Variants in SNX14 observed in about 807,000 individuals in gnomAD.
SNX14 encodes sorting nexin 14.
In SNX14, 93 loss-of-function variants were observed where a neutral mutation model predicts 133.8. That is an observed-to-expected ratio of 0.70 (90% confidence interval 0.59 to 0.83). The LOEUF is 0.83. Among genes scored for constraint, SNX14 ranks in the 40% least tolerant of loss-of-function variants. The pLI is 0.00. For missense variants in SNX14, 945 were observed against 1,094.9 expected (o/e 0.86, Z 1.93); for synonymous variants, 368 against 365.6 (o/e 1.01, Z -0.07).
rs909898311 is a variant in SNX14, at chr6:85,506,081, A to G, written c.2803-76T>C. ...GTAAATTGCCTAACAGCTCTAGTGT[A>G]TTAAAATTCTAACCTAAGACATATA... On this transcript the variant is annotated intron_variant, in intron 28 of 28. Coordinates refer to ENST00000314673, the MANE Select transcript of SNX14 (RefSeq NM_153816.6). 11 of 934,898 alleles carry G rather than the reference A, an allele frequency of 1.2e-5. No individual in the cohort carries two copies. The East Asian group carries it at 2.4e-4, about 21-fold the overall frequency. 57.9% of individuals were successfully genotyped at this position (934,898 alleles called of 1,614,324 possible). A position where few individuals can be genotyped will look rare whatever the true frequency, so the allele number is the denominator to read the frequency against.
At chr6:85,512,033 GC>G (rs956017026) in intron 26 of SNX14, among the ~76,000 whole-genome samples, 1 of 152,030 alleles carries the variant, frequency 6.6e-6, no homozygotes, top group African/African-American at 2.4e-5. Flanking sequence ...TGCTTCTCAG[GC>G]CCCCCTGACC....
At chr6:85,510,983 G>C (rs1244880762) in intron 26 of SNX14, among the ~76,000 whole-genome samples, 1 of 152,054 alleles carries the variant, frequency 6.6e-6, no homozygotes, top group Non-Finnish European at 1.5e-5. Flanking sequence ...ATTTGGATTG[G>C]GACTGCATTG....
intron 1 of SNX14, among the ~76,000 whole-genome samples, chr6:85,591,239 C>A (rs548657062): frequency 6.7e-6 from 1 of 148,324 alleles, no homozygotes; most frequent in East Asian, 2.0e-4. Flanking sequence ...TGTGTGTGTA[C>A]GTGAATACAC....
intron 26 of SNX14, 64 bp downstream of exon 26, chr6:85,513,736 A>T: frequency 8.2e-7 from 1 of 1,217,098 alleles, no homozygotes; most frequent in Non-Finnish European, 1.2e-6. Flanking sequence ...AATAATTACT[A>T]TACATTGTGA....
At chr6:85,565,242 T>C in intron 6 of SNX14, 90 bp downstream of exon 6, 3 of 710,986 alleles carry the variant, frequency 4.2e-6, no homozygotes, top group East Asian at 2.8e-5. Flanking sequence ...AATATGTACA[T>C]TTGCCATGTA....
At chr6:85,526,284 G>T (rs369491134) in intron 20 of SNX14, 47 bp from the exon 21 acceptor site, 111 of 1,161,356 alleles carry the variant, frequency 9.6e-5, no homozygotes, top group East Asian at 8.3e-4. Flanking sequence ...AAATCTAGAG[G>T]AGTAGTCAAA....
At chr6:85,566,799 T>C (rs1794001742) in intron 5 of SNX14, among the ~76,000 whole-genome samples, 1 of 152,224 alleles carries the variant, frequency 6.6e-6, no homozygotes, top group Non-Finnish European at 1.5e-5. Context: ...CATGGAGGTA[T>C]AAGTGTTCAA....
intron 26 of SNX14, among the ~76,000 whole-genome samples, chr6:85,510,244 TG>T (rs1203925239): frequency 6.6e-6 from 1 of 152,210 alleles, no homozygotes; most frequent in African/African-American, 2.4e-5. Flanking sequence ...TACACCATTT[TG>T]CATGCCCACC....
chr6:85,532,756 T>C (rs1341428084), intron 18 of SNX14, among the ~76,000 whole-genome samples: 3 of 152,232 alleles, frequency 2.0e-5, no homozygotes. Context: ...GACTTTAAAG[T>C]GGTGACTGTT....
chr6:85,541,939 A>C (rs1378244963), intron 15 of SNX14, 46 bp downstream of exon 15: 1 of 1,400,616 alleles, frequency 7.1e-7, no homozygotes, highest in South Asian at 1.3e-5. Context: ...ATGCTATCAT[A>C]GAATGACTGG....
At chr6:85,536,573 A>T (rs1043404418) in intron 17 of SNX14, among the ~76,000 whole-genome samples, 1 of 152,232 alleles carries the variant, frequency 6.6e-6, no homozygotes, top group Non-Finnish European at 1.5e-5. Context: ...GCAATAACAC[A>T]GTTCTCAGGA....
intron 1 of SNX14, among the ~76,000 whole-genome samples, chr6:85,588,155 CTA>C (rs1801568875): frequency 1.3e-5 from 2 of 152,104 alleles, no homozygotes; most frequent in Admixed American, 6.5e-5. Context: ...TTAGCTCAGC[CTA>C]TATATAGTCC....
At chr6:85,528,188 C>T (rs1252785258) in intron 20 of SNX14, 74 bp downstream of exon 20, 142 of 1,008,874 alleles carry the variant, frequency 1.4e-4, no homozygotes, top group Middle Eastern at 2.2e-4. Context: ...AGAACATATA[C>T]ACAAGAGAAA....
intron 1 of SNX14, among the ~76,000 whole-genome samples, chr6:85,584,271 C>G (rs779214568): frequency 6.6e-6 from 1 of 152,120 alleles, no homozygotes; most frequent in Admixed American, 6.6e-5. Flanking sequence ...AACACTTAAA[C>G]GTAAGACCCA....
At position 85,541,975 on chromosome 6, in the gene SNX14, T is replaced by C. The variant is rs1015462979; in HGVS notation, c.1448+10A>G. The C allele has an allele frequency of 2.5e-6, 4 of 1,588,002 alleles. No individual in the cohort carries two copies. Among genetic ancestry groups the C allele is most frequent in the Non-Finnish European group, 3.4e-6 (4 of 1,169,506 alleles). On this transcript the variant is annotated intron_variant, in intron 15 of 28. Transcript: ENST00000314673. ...CATCAGCAAGTTCAAAAACAAAACA[T>C]ACAACCTACCTGTTCAATTTTGAAT...
chr6:85,589,171 A>T (rs941561445), intron 1 of SNX14: 7 of 203,892 alleles, frequency 3.4e-5, no homozygotes, highest in Non-Finnish European at 7.2e-5. Flanking sequence ...AGCAGTCTTG[A>T]TAATTGAAAA....
intron 26 of SNX14, among the ~76,000 whole-genome samples, chr6:85,512,034 C>G (rs78481228): frequency 0.016 from 2,429 of 152,150 alleles, 58 homozygotes; most frequent in African/African-American, 0.055. Context: ...GCTTCTCAGG[C>G]CCCCCTGACC....
chr6:85,584,836 T>C (rs986977226), intron 1 of SNX14, among the ~76,000 whole-genome samples: 1 of 152,190 alleles, frequency 6.6e-6, no homozygotes, highest in South Asian at 2.1e-4. Flanking sequence ...TGGAAGACAG[T>C]GTGGTGATTC....
intron 5 of SNX14, among the ~76,000 whole-genome samples, chr6:85,566,061 T>G: frequency 6.6e-6 from 1 of 152,226 alleles, no homozygotes; most frequent in East Asian, 1.9e-4. Context: ...GGAAAGATAA[T>G]TGTATCAACC....
Sources: gnomAD v4.1 joint callset for allele counts (sites outside exome capture counted in the v4.1 genomes callset) on GRCh38, gnomAD v4.1.1 for gene constraint, MANE v1.5 for transcripts, NCBI Gene and HGNC (gene_info 2026-07-23, HGNC 2026-07-21) for gene names.